The following DENND10 variants were observed in gnomAD, a reference collection of about 807,000 sequenced individuals.
DENND10 encodes DENN domain containing 10.
Under a neutral mutation model 43.6 loss-of-function variants are expected in DENND10, and 24 were observed. That is an observed-to-expected ratio of 0.55 (90% CI 0.40 to 0.77). DENND10 has a LOEUF of 0.77. Among genes scored for constraint, DENND10 ranks in the 30% least tolerant of loss-of-function variants. DENND10 has a pLI of 0.00. For missense variants in DENND10, 303 were observed against 429.9 expected, an observed-to-expected ratio of 0.70 and a Z score of 2.61; for synonymous variants, 125 against 157.6, an observed-to-expected ratio of 0.79 and a Z score of 1.55.
At chr10:119,105,392 A>G (rs2133448302) in intron 1 of DENND10, 1 of 255,146 alleles carries the variant, frequency 3.9e-6, no homozygotes, top group South Asian at 4.7e-5. Context: ...GGCCCAAACC[A>G]TCCTCCCGCC....
At chr10:119,106,535 G>A (rs1844704111) in intron 1 of DENND10, among the ~76,000 whole-genome samples, 1 of 152,166 alleles carries the variant, frequency 6.6e-6, no homozygotes, top group African/African-American at 2.4e-5. Flanking sequence ...TAGAGATGCG[G>A]TCTCACTATG....
intron 7 of DENND10, among the ~76,000 whole-genome samples, chr10:119,130,312 C>T (rs1193792804): frequency 6.6e-6 from 1 of 152,186 alleles, no homozygotes; most frequent in African/African-American, 2.4e-5. Context: ...AGGCACCCGC[C>T]ACCGCACCCA....
At chr10:119,129,434 T>G in intron 6 of DENND10, 81 bp from the exon 7 acceptor site, 38 of 862,418 alleles carry the variant, frequency 4.4e-5, no homozygotes, top group Non-Finnish European at 7.0e-5. Context: ...GAGCAGTCGA[T>G]GAGCTTTTAG....
intron 3 of DENND10, among the ~76,000 whole-genome samples, chr10:119,117,147 G>A (rs145522412): frequency 0.018 from 2,706 of 151,918 alleles, 70 homozygotes; most frequent in African/African-American, 0.063. Flanking sequence ...TGAGGTGGGC[G>A]GATTACCTGA....
At chr10:119,110,540 C>T (rs1237565731) in intron 2 of DENND10, among the ~76,000 whole-genome samples, 2 of 152,124 alleles carry the variant, frequency 1.3e-5, no homozygotes, top group African/African-American at 4.8e-5. Context: ...TCACTGCAAC[C>T]TCTGCCTCCT....
In DENND10 at chr10:119,117,824, G is replaced by A. The variant is rs542429471; in HGVS notation, c.481+157G>A. 5.9e-5 allele frequency among the ~76,000 whole-genome samples: 9 copies of A among 152,182 alleles called. No individual in the cohort carries two copies. In the South Asian group the frequency reaches 1.7e-3, roughly 28 times the overall value. ...CCACTAAAAATACAAAAAATTAGCC[G>A]GGCGTGGTGGCACCCGCCTGTGATC... On this transcript the variant is annotated intron_variant, in intron 4 of 8. Coordinates refer to ENST00000361432, the MANE Select transcript of DENND10 (RefSeq NM_207009.4).
chr10:119,120,524 G>C, intron 5 of DENND10, 72 bp downstream of exon 5: 1 of 945,518 alleles, frequency 1.1e-6, no homozygotes, highest in Non-Finnish European at 1.7e-6. Flanking sequence ...GTTACTGTGT[G>C]CTCTGCTGTG....
intron 6 of DENND10, among the ~76,000 whole-genome samples, chr10:119,123,791 T>C (rs1845699759): frequency 6.6e-6 from 1 of 152,030 alleles, no homozygotes; most frequent in Non-Finnish European, 1.5e-5. Flanking sequence ...AAGAGGGTTT[T>C]TTGTTTTTAT....
At chr10:119,131,611 G>T (rs1208763244) in intron 7 of DENND10, among the ~76,000 whole-genome samples, 1 of 152,208 alleles carries the variant, frequency 6.6e-6, no homozygotes, top group African/African-American at 2.4e-5. Flanking sequence ...TCTCCTAAAA[G>T]TGGGGGCAGC....
rs754241606 is a variant in DENND10, at chr10:119,111,864, A to G, written c.268A>G (p.Ile90Val). The change falls in exon 3 of 9, where the codon ATT becomes GTT. Residue 90 changes from isoleucine (I) to valine (V), a missense_variant. Physicochemically the swap from Ile to Val is conservative, Grantham distance 29. Transcript: ENST00000361432. ...TTTTGAACAGGTGACTCATTTTTCT[A>G]TTGTCCTGACCGCCAAAGATTTTAA... is the stretch of plus-strand genomic sequence containing the variant. Reference protein sequence around the residue: ...SILKKVTHFSIVLTAKDFNPE... With the variant: ...SILKKVTHFSVVLTAKDFNPE... 3.1e-6 allele frequency: 5 copies of G among 1,612,896 alleles called. No individual in the cohort carries two copies. In the South Asian group the frequency reaches 4.4e-5, roughly 14 times the overall value.
Position 119,132,455 on chromosome 10 carries a change from T to G in DENND10, c.803-60T>G. 2 of 1,424,820 alleles carry G rather than the reference T, an allele frequency of 1.4e-6. No homozygotes were observed. Among genetic ancestry groups the G allele is most frequent in the Middle Eastern group, 1.8e-4 (1 of 5,640 alleles). The allele number at this position is 1,424,820 out of a possible 1,614,324, so 88.3% of individuals were successfully genotyped here. On this transcript the variant is annotated intron_variant, in intron 7 of 8. Transcript: ENST00000361432. The surrounding 1 kb of genome is among the most constrained non-coding windows in gnomAD (Gnocchi z 4.2). ...CAGTGTGGTCTTCCAAGTTTTCAGA[T>G]AGATGGCATGATTATTTTTTATGTC... is the stretch of plus-strand genomic sequence containing the variant.
intron 5 of DENND10, among the ~76,000 whole-genome samples, chr10:119,123,079 C>A (rs1845648591): frequency 6.6e-6 from 1 of 152,122 alleles, no homozygotes; most frequent in African/African-American, 2.4e-5. Flanking sequence ...ATCAGCCTGG[C>A]CAACATGGTG....
At chr10:119,136,380 A>G (rs566794595) in intron 8 of DENND10, 91 bp from the exon 9 acceptor site, 6 of 1,448,542 alleles carry the variant, frequency 4.1e-6, no homozygotes, top group Non-Finnish European at 5.6e-6. Context: ...TAGTTTATAA[A>G]CAGTCTGGAA....
At chr10:119,125,917 G>T (rs536134941) in intron 6 of DENND10, among the ~76,000 whole-genome samples, 1 of 151,942 alleles carries the variant, frequency 6.6e-6, no homozygotes, top group African/African-American at 2.4e-5. Context: ...CTATATTTTT[G>T]TATCCACTAA....
chr10:119,117,826 G>A (rs1845370262), intron 4 of DENND10, among the ~76,000 whole-genome samples, 159 bp downstream of exon 4: 1 of 152,116 alleles, frequency 6.6e-6, no homozygotes, highest in South Asian at 2.1e-4. Flanking sequence ...AATTAGCCGG[G>A]CGTGGTGGCA....
Position 119,120,429 on chromosome 10 carries a change from A to T in DENND10, c.570A>T (p.Ile190=). ...KKRIVVYHPK[I]EAVQEFTRTL... is the part of the protein sequence containing the mutation. ...GAATTGTGGTGTATCACCCCAAGAT[A>T]GAAGCGGTCCAGGAGTTCACCAGGT... Residue 190 remains isoleucine (I), a synonymous_variant, in exon 5 of 9, where the codon ATA becomes ATT. Transcript: ENST00000361432. 2 of 1,610,274 alleles carry T rather than the reference A, an allele frequency of 1.2e-6. No homozygotes were observed. Among genetic ancestry groups the T allele is most frequent in the Non-Finnish European group, 1.7e-6 (2 of 1,176,502 alleles).
chr10:119,122,097 A>G (rs1845606956), intron 5 of DENND10, among the ~76,000 whole-genome samples: 1 of 152,106 alleles, frequency 6.6e-6, no homozygotes, highest in Non-Finnish European at 1.5e-5. Context: ...GCCTGAGACC[A>G]GAAGTTCAGG....
intron 6 of DENND10, among the ~76,000 whole-genome samples, chr10:119,126,236 T>G (rs968431395): frequency 2.6e-5 from 4 of 152,210 alleles, no homozygotes; most frequent in Admixed American, 2.0e-4. Flanking sequence ...CAAATCTTGG[T>G]GGTTGTGAAC....
Position 119,104,170 on chromosome 10 carries a change from C to A in DENND10, c.28C>A (p.Gln10Lys). The A allele has an allele frequency of 6.6e-7, 1 of 1,523,968 alleles. No homozygotes were observed. Among genetic ancestry groups the A allele is most frequent in the East Asian group, 2.7e-5 (1 of 37,560 alleles). The allele number at this position is 1,523,968 out of a possible 1,614,324, so 94.4% of individuals were successfully genotyped here. Residue 10 changes from glutamine to lysine, a missense_variant, in exon 1 of 9, where the codon CAG (glutamine) becomes AAG (lysine). By Grantham distance (53) the Gln-to-Lys change is moderately conservative. Coordinates refer to ENST00000361432, the MANE Select transcript of DENND10 (RefSeq NM_207009.4). MAAAEVADT[Q>K]LMLGVGLIEK... is the part of the protein sequence containing the mutation. ...GGCTGCGGCCGAGGTGGCGGACACT[C>A]AGCTGATGCTTGGAGTCGGGCTGAT...
Sources: allele counts gnomAD v4.1 joint callset (sites outside exome capture counted in the v4.1 genomes callset), GRCh38; gene constraint gnomAD v4.1.1; non-coding constraint Gnocchi (gnomAD v3.1); transcripts MANE v1.5; gene names NCBI Gene and HGNC (gene_info 2026-07-23, HGNC 2026-07-21).